The following XYLB variants were observed in gnomAD, a reference collection of about 807,000 sequenced individuals.
XYLB encodes xylulose kinase.
XYLB carries 62 observed loss-of-function variants against 78.7 expected under a neutral mutation model. That is an observed-to-expected ratio of 0.79 (90% CI 0.64 to 0.97). The LOEUF (loss-of-function observed/expected upper bound fraction) is 0.97. Ranked by LOEUF, XYLB falls within the 50% of genes least tolerant of loss-of-function variation. The pLI is 0.00. For missense variants in XYLB, 687 were observed against 676.8 expected, an observed-to-expected ratio of 1.02 and a Z score of -0.17; for synonymous variants, 245 against 247.4, an observed-to-expected ratio of 0.99 and a Z score of 0.09.
At chr3:38,434,863 T>C in the XYLB span, among the ~76,000 whole-genome samples, 2 of 152,264 alleles carry the variant, frequency 1.3e-5, no homozygotes, top group Non-Finnish European at 2.9e-5. Flanking sequence ...CTAGGTGTGG[T>C]GGCTCATGCG....
At position 38,368,186 on chromosome 3, in the gene XYLB, G is replaced by T. The variant is rs1466477979; in HGVS notation, c.575G>T (p.Arg192Ile). The T allele has an allele frequency of 1.9e-6, 3 of 1,614,014 alleles. No homozygotes were observed. Among genetic ancestry groups the T allele is most frequent in the Non-Finnish European group, 2.5e-6 (3 of 1,179,910 alleles). ...QNPEAYSHTERISLVSSFAAS... is the reference protein window; with the variant it reads ...QNPEAYSHTEIISLVSSFAAS... ...TCTCACTGTTTCTTTCCTTTACAGA[G>T]AATTTCTTTGGTCAGTAGCTTTGCT... The change falls in exon 8 of 19, where the codon AGA becomes ATA. Residue 192 changes from arginine to isoleucine, a missense_variant and splice_region_variant. Physicochemically the swap from Arg to Ile is moderately conservative, Grantham distance 97. Transcript: ENST00000207870.
At chr3:38,422,331 C>G (rs1709005037), downstream of XYLB, among the ~76,000 whole-genome samples, 1 of 152,110 alleles carries the variant, frequency 6.6e-6, no homozygotes, top group Non-Finnish European at 1.5e-5. Context: ...CTGATTGTGC[C>G]ATATGTGGAA....
chr3:38,347,480 C>A (rs1436003415), intron 1 of XYLB, among the ~76,000 whole-genome samples: 1 of 151,998 alleles, frequency 6.6e-6, no homozygotes, highest in Non-Finnish European at 1.5e-5. Context: ...GAGTTCGAGA[C>A]CAGCCTGGGC....
chr3:38,422,271 C>T (rs552522488), downstream of XYLB, among the ~76,000 whole-genome samples: 1 of 152,290 alleles, frequency 6.6e-6, no homozygotes, highest in Admixed American at 6.5e-5. Context: ...ATTGTTATAT[C>T]TACTTCTGTT....
chr3:38,431,988 G>T, the XYLB span, among the ~76,000 whole-genome samples: 1 of 152,166 alleles, frequency 6.6e-6, no homozygotes, highest in Admixed American at 6.5e-5. Context: ...AGACACAATG[G>T]AGGTACAGGC....
chr3:38,384,600 A>G (rs539373086), intron 15 of XYLB, among the ~76,000 whole-genome samples: 5 of 152,322 alleles, frequency 3.3e-5, no homozygotes, highest in Admixed American at 6.5e-5. Flanking sequence ...TACATAACGA[A>G]TGGATGTCTT....
Position 38,380,784 on chromosome 3 carries a change from G to A in XYLB, c.1291+1442G>A, listed in dbSNP as rs1192462464. Among the ~76,000 whole-genome samples, 6 of 152,298 alleles carry A rather than the reference G, an allele frequency of 3.9e-5. No individual in the cohort carries two copies. The East Asian group carries it at 1.2e-3, about 29-fold the overall frequency. ...AGCCCCACAGTGGAAGTGGCCCAGT[G>A]CCCATTAATAGTAGACAGAAAAAAT... On this transcript the variant is annotated intron_variant, in intron 15 of 18. Transcript: ENST00000207870.
intron 15 of XYLB, among the ~76,000 whole-genome samples, chr3:38,392,022 C>T (rs1707678235): frequency 6.6e-6 from 1 of 152,170 alleles, no homozygotes; most frequent in Non-Finnish European, 1.5e-5. Context: ...AGCTAGTAGC[C>T]CACTTTCACT....
At position 38,347,049 on chromosome 3, in the gene XYLB, T is replaced by A. The variant is rs150284339; in HGVS notation, c.57+124T>A. ...CCGCGGGCGCGCCTACCTCTCGGGC[T>A]TCCCGGGGCCCCCGCGCCCCTGCCC... On this transcript the variant is annotated intron_variant, in intron 1 of 18. Transcript: ENST00000207870. 2.9e-3 allele frequency: 2,856 copies of A among 989,418 alleles called. 54 individuals carry two copies. The African/African-American group carries it at 0.039, about 13-fold the overall frequency. 61.3% of individuals were successfully genotyped at this position (989,418 alleles called of 1,614,324 possible). A position where few individuals can be genotyped will look rare whatever the true frequency, so the allele number is the denominator to read the frequency against.
At chr3:38,351,031 C>T (rs1034407809) in intron 2 of XYLB, among the ~76,000 whole-genome samples, 11 of 151,110 alleles carry the variant, frequency 7.3e-5, no homozygotes, top group Non-Finnish European at 1.2e-4. Flanking sequence ...TGACAGGCAC[C>T]GTGTATGCTG....
the XYLB span, among the ~76,000 whole-genome samples, chr3:38,432,199 C>A: frequency 6.6e-6 from 1 of 152,206 alleles, no homozygotes; most frequent in African/African-American, 2.4e-5. Flanking sequence ...TCAGCATTAA[C>A]CCAGAAGTCC....
chr3:38,406,925 A>T (rs62239905), intron 18 of XYLB, among the ~76,000 whole-genome samples: 9,080 of 151,870 alleles, frequency 0.06, 369 homozygotes, highest in East Asian at 0.18. Context: ...CCTGAAAGTG[A>T]CGGGGAGAAT....
At chr3:38,415,103 A>G (rs1446811564), downstream of XYLB, 1 of 152,236 alleles carries the variant, frequency 6.6e-6, no homozygotes, top group Non-Finnish European at 1.5e-5. Flanking sequence ...AAAAAGAACT[A>G]TGTAAGCCTC....
Position 38,413,765 on chromosome 3 carries a change from T to C in XYLB, c.*752T>C, listed in dbSNP as rs1708695288. 1 of 152,180 alleles carries C rather than the reference T, an allele frequency of 6.6e-6. No homozygotes were observed. The highest frequency in any genetic ancestry group is 1.5e-5 in the Non-Finnish European group (1 of 68,078). The allele number at this position is 152,180 out of a possible 1,614,324, so 9.4% of individuals were successfully genotyped here. On this transcript the variant is annotated 3_prime_UTR_variant, in exon 19 of 19. Transcript: ENST00000207870. Reference sequence around the variant, plus strand: ...CCCTCCCTTTAGCTATGCCCACAGATCACTGAGAGGGACCATCTCCCAAGT... The same window carrying C: ...CCCTCCCTTTAGCTATGCCCACAGACCACTGAGAGGGACCATCTCCCAAGT...
At position 38,372,776 on chromosome 3, in the gene XYLB, C is replaced by T. The variant is rs1195024201; in HGVS notation, c.847+40C>T. ...GAGTTTCACTCTCCAGTGAGCCTGA[C>T]TGGGTCCATGCTGGATGTTTGAGAA... is the stretch of plus-strand genomic sequence containing the variant. On this transcript the variant is annotated intron_variant, in intron 10 of 18. Coordinates refer to ENST00000207870, the MANE Select transcript of XYLB (RefSeq NM_005108.4). 2.5e-6 allele frequency: 4 copies of T among 1,603,750 alleles called. No homozygotes were observed. In the African/African-American group the frequency reaches 5.3e-5, roughly 21 times the overall value.
chr3:38,387,667 C>T (rs556635890), intron 15 of XYLB, among the ~76,000 whole-genome samples: 168 of 152,314 alleles, frequency 1.1e-3, no homozygotes, highest in African/African-American at 3.3e-3. Flanking sequence ...TCACTGTGCC[C>T]GGACTTCAGA....
intron 14 of XYLB, among the ~76,000 whole-genome samples, chr3:38,377,550 C>T (rs916036888): frequency 2.0e-5 from 3 of 151,320 alleles, no homozygotes; most frequent in East Asian, 1.9e-4. Flanking sequence ...TGGGTTCAAA[C>T]GATCCTCCTG....
downstream of XYLB, among the ~76,000 whole-genome samples, chr3:38,425,538 A>G (rs1013894411): frequency 1.3e-5 from 2 of 152,248 alleles, no homozygotes; most frequent in Non-Finnish European, 2.9e-5. Flanking sequence ...TAAAGGCCGG[A>G]TGCTACCAGC....
At chr3:38,447,762 G>A in the XYLB span, among the ~76,000 whole-genome samples, 1 of 151,962 alleles carries the variant, frequency 6.6e-6, no homozygotes, top group African/African-American at 2.4e-5. Flanking sequence ...GCTACCCAAA[G>A]GAAAAGGAAT....
Sources: allele counts gnomAD v4.1 joint callset (sites outside exome capture counted in the v4.1 genomes callset), GRCh38; gene constraint gnomAD v4.1.1; transcripts MANE v1.5; gene names NCBI Gene and HGNC (gene_info 2026-07-23, HGNC 2026-07-21).